The following MAPK8 variants were observed in gnomAD, a reference collection of about 807,000 sequenced individuals.
MAPK8 encodes the protein mitogen-activated protein kinase 8.
Under a neutral mutation model 52.9 loss-of-function variants are expected in MAPK8, and 13 were observed. That is an observed-to-expected ratio of 0.25 (90% CI 0.16 to 0.39). MAPK8 has a LOEUF of 0.39. Among genes scored for constraint, MAPK8 ranks in the 10% least tolerant of loss-of-function variants. MAPK8 has a pLI of 1.00. For missense variants in MAPK8, 300 were observed against 519.2 expected (o/e 0.58, Z 4.10); for synonymous variants, 191 against 169.8 (o/e 1.12, Z -0.97).
At chr10:48,351,717 G>A (rs1846350432) in intron 1 of MAPK8, among the ~76,000 whole-genome samples, 1 of 151,860 alleles carries the variant, frequency 6.6e-6, no homozygotes, top group South Asian at 2.1e-4. Context: ...ACAAAAAAAA[G>A]AAGACACAAA....
At chr10:48,427,653 G>A (rs1217020011) in intron 10 of MAPK8, among the ~76,000 whole-genome samples, 3 of 151,912 alleles carry the variant, frequency 2.0e-5, no homozygotes, top group South Asian at 2.1e-4. Context: ...CATCACACCC[G>A]GCTAATTTTT....
chr10:48,373,214 C>T (rs2040432878), intron 1 of MAPK8, among the ~76,000 whole-genome samples: 1 of 152,092 alleles, frequency 6.6e-6, no homozygotes, highest in African/African-American at 2.4e-5. Context: ...CCAGGCCTGC[C>T]TTATAGGAGC....
At position 48,385,515 on chromosome 10, in the gene MAPK8, ACGAGAAAT is replaced by A. The variant is rs1351188202; in HGVS notation, c.-49-16096_-49-16089del. Among the ~76,000 whole-genome samples, 13 of 152,320 alleles carry A rather than the reference ACGAGAAAT, an allele frequency of 8.5e-5. No homozygotes were observed. In the East Asian group the frequency reaches 2.3e-3, roughly 27 times the overall value. On this transcript the variant is annotated intron_variant, in intron 1 of 11. Transcript: ENST00000374189. ...CTTTTGTAGAGGAAGAGATGATTAG[ACGAGAAAT>A]ACTTAGTGTCTGGCACAGATTTATA...
intron 1 of MAPK8, among the ~76,000 whole-genome samples, chr10:48,382,431 A>G (rs918285345): frequency 7.9e-5 from 12 of 152,232 alleles, no homozygotes; most frequent in Non-Finnish European, 1.5e-4. Context: ...ACAGATCTGT[A>G]CACATATATA....
chr10:48,336,346 C>T (rs1844685764), intron 1 of MAPK8, among the ~76,000 whole-genome samples: 1 of 152,024 alleles, frequency 6.6e-6, no homozygotes, highest in South Asian at 2.1e-4. Context: ...AAGAAAACAG[C>T]TACGTATTTA....
At chr10:48,322,217 C>T (rs954129445) in intron 1 of MAPK8, among the ~76,000 whole-genome samples, 4 of 151,576 alleles carry the variant, frequency 2.6e-5, no homozygotes, top group Admixed American at 6.6e-5. Context: ...ATGGGAATTC[C>T]TAAAGAATTC....
intron 2 of MAPK8, 37 bp from the exon 3 acceptor site, chr10:48,404,815 G>C: frequency 1.3e-6 from 2 of 1,557,116 alleles, no homozygotes; most frequent in Non-Finnish European, 1.7e-6. Context: ...ATTTTTGCTT[G>C]AAGTTTTTTT....
intron 1 of MAPK8, among the ~76,000 whole-genome samples, chr10:48,385,386 C>T (rs1216131038): frequency 6.6e-6 from 1 of 152,142 alleles, no homozygotes; most frequent in Admixed American, 6.5e-5. Context: ...ACTTCTGCTA[C>T]CTAGCATGTC....
intron 1 of MAPK8, among the ~76,000 whole-genome samples, chr10:48,388,940 C>T (rs1589154605): frequency 6.6e-6 from 1 of 151,882 alleles, no homozygotes; most frequent in Non-Finnish European, 1.5e-5. Flanking sequence ...AGTGTATGTC[C>T]GGAGAGACAT....
rs141339885 is a variant in MAPK8 at position 48,413,089 on chromosome 10, C to T, written c.450+2921C>T. On this transcript the variant is annotated intron_variant, in intron 5 of 11. Coordinates refer to ENST00000374189, the MANE Select transcript of MAPK8 (RefSeq NM_001323329.2). ...CTTATTTCACTTAGCATAATGTGCT[C>T]AAGGTTTATCCATGTTGTAGCATAT... Among the ~76,000 whole-genome samples the T allele has an allele frequency of 2.8e-3, 423 of 152,296 alleles. 1 individual carries two copies. Among genetic ancestry groups the T allele is most frequent in the African/African-American group, 9.4e-3 (389 of 41,552 alleles).
Position 48,435,039 on chromosome 10 carries a change from C to A in MAPK8, c.*10C>A. 1.3e-6 allele frequency: 2 copies of A among 1,507,082 alleles called. No homozygotes were observed. Among genetic ancestry groups the A allele is most frequent in the Non-Finnish European group, 1.8e-6 (2 of 1,114,690 alleles). 93.4% of individuals were successfully genotyped at this position (1,507,082 alleles called of 1,614,324 possible). A position where few individuals can be genotyped will look rare whatever the true frequency, so the allele number is the denominator to read the frequency against. ...GGGCTGCTGTAGATGACTACTTGGGCCATCGGGGGGTGGGAGGGATGGGGA... is the reference window on the plus strand; with the variant it reads ...GGGCTGCTGTAGATGACTACTTGGGACATCGGGGGGTGGGAGGGATGGGGA... On this transcript the variant is annotated 3_prime_UTR_variant, in exon 12 of 12. Transcript: ENST00000374189.
intron 5 of MAPK8, among the ~76,000 whole-genome samples, chr10:48,418,770 CTT>C (rs1293203433): frequency 6.6e-6 from 1 of 152,130 alleles, no homozygotes; most frequent in Non-Finnish European, 1.5e-5. Flanking sequence ...AATTAATAGT[CTT>C]TGAGGCTTTT....
intron 1 of MAPK8, among the ~76,000 whole-genome samples, chr10:48,335,148 T>C (rs1212827555): frequency 6.6e-6 from 1 of 152,198 alleles, no homozygotes; most frequent in East Asian, 1.9e-4. Context: ...TAGCATGCCT[T>C]GAAAATGGAT....
intron 5 of MAPK8, among the ~76,000 whole-genome samples, chr10:48,411,582 A>G (rs2042749367): frequency 6.6e-6 from 1 of 152,114 alleles, no homozygotes; most frequent in Non-Finnish European, 1.5e-5. Flanking sequence ...CTTTTACAAT[A>G]TTGTTTTAGC....
At chr10:48,307,043 T>TGCCCGCCA (rs991010671) in intron 1 of MAPK8, 1 of 151,414 alleles carries the variant, frequency 6.6e-6, no homozygotes, top group Admixed American at 6.6e-5. Context: ...TGCGCTCCGC[T>TGCCCGCCA]GCCCGCCAGC....
chr10:48,314,220 C>T (rs762900540), intron 1 of MAPK8, among the ~76,000 whole-genome samples: 1 of 151,972 alleles, frequency 6.6e-6, no homozygotes, highest in Non-Finnish European at 1.5e-5. Context: ...TATAGGTGGC[C>T]GGCTTCTGGA....
chr10:48,413,735 A>C (rs1034406311), intron 5 of MAPK8, among the ~76,000 whole-genome samples: 3 of 147,674 alleles, frequency 2.0e-5, no homozygotes, highest in Non-Finnish European at 3.0e-5. Context: ...TATACAAAAT[A>C]AACTGCTGTT....
At chr10:48,420,645 G>T (rs1421223394) in intron 6 of MAPK8, among the ~76,000 whole-genome samples, 2 of 152,144 alleles carry the variant, frequency 1.3e-5, no homozygotes, top group Non-Finnish European at 2.9e-5. Flanking sequence ...TCTCAGGGAT[G>T]TATAGTGTAC....
chr10:48,427,304 CCTTAA>C (rs1173168097), intron 10 of MAPK8, 161 bp downstream of exon 10: 1 of 497,706 alleles, frequency 2.0e-6, no homozygotes, highest in Non-Finnish European at 3.6e-6. Flanking sequence ...CTGCTTCCTT[CCTTAA>C]CTTAATCTTA....
Sources: gnomAD v4.1 joint callset for allele counts (sites outside exome capture counted in the v4.1 genomes callset) on GRCh38, gnomAD v4.1.1 for gene constraint, MANE v1.5 for transcripts, NCBI Gene and HGNC (gene_info 2026-07-23, HGNC 2026-07-21) for gene names.